Variants in FGF12 observed in about 807,000 individuals in gnomAD.
FGF12 encodes fibroblast growth factor 12, also known as fibroblast growth factor 12B.
A neutral mutation model predicts 23.6 loss-of-function variants in FGF12; 14 were observed. That is an observed-to-expected ratio of 0.59 (90% CI 0.39 to 0.93). The LOEUF (loss-of-function observed/expected upper bound fraction) is 0.93. Among genes scored for constraint, FGF12 ranks in the 40% least tolerant of loss-of-function variants. The probability of loss-of-function intolerance (pLI) is 0.00; values close to 1 mark genes in which losing one functional copy is unlikely to be tolerated. For synonymous variants in FGF12, 62 were observed against 77.3 expected, an observed-to-expected ratio of 0.80 and a Z score of 1.04; for missense variants, 175 against 217.8, an observed-to-expected ratio of 0.80 and a Z score of 1.24.
intron 3 of FGF12, among the ~76,000 whole-genome samples, chr3:192,346,824 G>C (rs918421273): frequency 4.6e-5 from 7 of 152,096 alleles, no homozygotes; most frequent in African/African-American, 1.4e-4. Context: ...CCATTGATTT[G>C]TCATTTCCCA....
intron 4 of FGF12, among the ~76,000 whole-genome samples, chr3:192,180,002 T>C (rs1338749647): frequency 6.6e-6 from 1 of 152,184 alleles, no homozygotes; most frequent in Non-Finnish European, 1.5e-5. Context: ...AAAGTCACTG[T>C]AGTTGTGGAT....
At chr3:192,410,049 G>A (rs1721144086) in intron 2 of FGF12, among the ~76,000 whole-genome samples, 1 of 151,530 alleles carries the variant, frequency 6.6e-6, no homozygotes, top group South Asian at 2.1e-4. Flanking sequence ...GAAACTCGGG[G>A]CCCGGGCGAG....
At chr3:192,664,797 A>T (rs908841256) in intron 2 of FGF12, among the ~76,000 whole-genome samples, 2 of 151,970 alleles carry the variant, frequency 1.3e-5, no homozygotes, top group African/African-American at 2.4e-5. Flanking sequence ...GTCACCAAAA[A>T]GCCAGCCCCA....
chr3:192,712,475 A>G lies in FGF12; in HGVS notation c.13+14706T>C, dbSNP rs894900044. On this transcript the variant is annotated intron_variant, in intron 2 of 5. Coordinates refer to ENST00000445105, the MANE Select transcript of FGF12 (RefSeq NM_004113.6). ...TATCAATTTTCAAAACACTGAGAAA[A>G]AAGAATAGACACTAAAAGTTTTCAG... Among the ~76,000 whole-genome samples the G allele has an allele frequency of 3.3e-5, 5 of 152,182 alleles. No homozygotes were observed. In the East Asian group the frequency reaches 9.6e-4, roughly 29 times the overall value.
intron 2 of FGF12, among the ~76,000 whole-genome samples, chr3:192,696,153 C>CTTTTT (rs66508726): frequency 7.1e-6 from 1 of 140,788 alleles, no homozygotes; most frequent in Non-Finnish European, 1.5e-5. Flanking sequence ...CTAAGCTCAG[C>CTTTTT]TTTTTTTTTT....
intron 2 of FGF12, among the ~76,000 whole-genome samples, chr3:192,582,486 TC>T (rs1713197027): frequency 6.6e-6 from 1 of 152,134 alleles, no homozygotes; most frequent in African/African-American, 2.4e-5. Context: ...GATGAAGCCT[TC>T]CAGCTACTAA....
At chr3:192,533,076 A>G (rs566470156) in intron 2 of FGF12, among the ~76,000 whole-genome samples, 1 of 152,322 alleles carries the variant, frequency 6.6e-6, no homozygotes, top group East Asian at 1.9e-4. Flanking sequence ...AAAAAATTTA[A>G]AATAGCGTGT....
At chr3:192,240,181 T>C (rs747464268) in intron 4 of FGF12, among the ~76,000 whole-genome samples, 5 of 152,332 alleles carry the variant, frequency 3.3e-5, no homozygotes, top group Non-Finnish European at 5.9e-5. Context: ...ATGCTTCATT[T>C]TTCCATATGT....
At chr3:192,667,273 G>A (rs1716919357) in intron 2 of FGF12, among the ~76,000 whole-genome samples, 1 of 152,040 alleles carries the variant, frequency 6.6e-6, no homozygotes, top group African/African-American at 2.4e-5. Flanking sequence ...GTCACAGAGG[G>A]CTTCACAGGA....
chr3:192,347,012 T>C (rs1276121461), intron 3 of FGF12, among the ~76,000 whole-genome samples: 1 of 152,148 alleles, frequency 6.6e-6, no homozygotes, highest in Non-Finnish European at 1.5e-5. Context: ...CCAGAGGTAA[T>C]TTAGCTTAAT....
intron 2 of FGF12, among the ~76,000 whole-genome samples, chr3:192,561,456 G>A (rs1218027274): frequency 1.3e-5 from 2 of 151,950 alleles, no homozygotes; most frequent in East Asian, 1.9e-4. Flanking sequence ...TCCACCTCCT[G>A]GGTTCAAGCG....
intron 2 of FGF12, among the ~76,000 whole-genome samples, chr3:192,553,867 A>G (rs1029182621): frequency 6.6e-6 from 1 of 152,206 alleles, no homozygotes; most frequent in Non-Finnish European, 1.5e-5. Flanking sequence ...CAAAAGGGCC[A>G]GGTTGGGGAC....
chr3:192,318,887 T>C (rs1355398191), intron 4 of FGF12, among the ~76,000 whole-genome samples: 1 of 152,028 alleles, frequency 6.6e-6, no homozygotes, highest in Non-Finnish European at 1.5e-5. Flanking sequence ...CCCACACATC[T>C]GGCAGCAGAC....
chr3:192,624,297 A>T (rs1328666429), intron 2 of FGF12, among the ~76,000 whole-genome samples: 6 of 152,318 alleles, frequency 3.9e-5, no homozygotes, highest in Non-Finnish European at 2.9e-5. Flanking sequence ...GTTTCTATTT[A>T]TATCAACATA....
chr3:192,330,050 G>A (rs539166864), intron 4 of FGF12, among the ~76,000 whole-genome samples: 1 of 151,908 alleles, frequency 6.6e-6, no homozygotes, highest in Non-Finnish European at 1.5e-5. Flanking sequence ...TTTAATCAAG[G>A]AGTTGAAAAA....
intron 4 of FGF12, among the ~76,000 whole-genome samples, chr3:192,275,283 A>C (rs1274638007): frequency 1.3e-5 from 2 of 151,766 alleles, no homozygotes; most frequent in Non-Finnish European, 3.0e-5. Flanking sequence ...TCACATCCCC[A>C]AACAGTCCAG....
At chr3:192,575,680 C>A (rs1170368246) in intron 2 of FGF12, among the ~76,000 whole-genome samples, 1 of 151,218 alleles carries the variant, frequency 6.6e-6, no homozygotes, top group Non-Finnish European at 1.5e-5. Flanking sequence ...AGGTTTTGGT[C>A]CCTCTTAAGC....
At chr3:192,439,495 A>C (rs1271876252) in intron 2 of FGF12, among the ~76,000 whole-genome samples, 4 of 152,160 alleles carry the variant, frequency 2.6e-5, no homozygotes, top group African/African-American at 9.7e-5. Context: ...TCATTCAACA[A>C]ATACTTAGCA....
intron 2 of FGF12, among the ~76,000 whole-genome samples, chr3:192,470,553 T>G (rs1205131084): frequency 6.6e-6 from 1 of 151,864 alleles, no homozygotes; most frequent in Non-Finnish European, 1.5e-5. Context: ...CACACCTAGC[T>G]AATTTTTGTA....
Sources: gnomAD v4.1 joint callset for allele counts (sites outside exome capture counted in the v4.1 genomes callset) on GRCh38, gnomAD v4.1.1 for gene constraint, MANE v1.5 for transcripts, NCBI Gene and HGNC (gene_info 2026-07-23, HGNC 2026-07-21) for gene names.